Variants in KCNG1 observed in about 807,000 individuals in gnomAD.
KCNG1 encodes potassium voltage-gated channel modifier subfamily G member 1, also known as voltage-gated potassium channel regulatory subunit KCNG1.
In KCNG1, 17 loss-of-function variants were observed where a neutral mutation model predicts 32.4. The ratio of observed to expected loss-of-function variants is 0.52; its 90% CI spans 0.36 to 0.79. The LOEUF is 0.79. Among genes scored for constraint, KCNG1 ranks in the 30% least tolerant of loss-of-function variants. The pLI is 0.00. For synonymous variants in KCNG1, 358 were observed against 339.9 expected, an observed-to-expected ratio of 1.05 and a Z score of -0.59; for missense variants, 441 against 735.2, an observed-to-expected ratio of 0.60 and a Z score of 4.63.
At position 51,004,095 on chromosome 20, in the gene KCNG1, G is replaced by T. The variant is rs752857751; in HGVS notation, c.1486C>A (p.Gln496Lys). The T allele has an allele frequency of 6.2e-7, 1 of 1,614,210 alleles. No homozygotes were observed. The highest frequency in any genetic ancestry group is 1.1e-5 in the South Asian group (1 of 91,080). Residue 496 changes from glutamine (Q) to lysine (K), a missense_variant, in exon 3 of 3, where the codon CAG (glutamine) becomes AAG (lysine). By Grantham distance (53) the Gln-to-Lys change is moderately conservative (BLOSUM62 1). This residue lies in a region of KCNG1 where 53 missense variants were observed against 79.1 expected (regional missense o/e 0.67). Coordinates refer to ENST00000371571, the MANE Select transcript of KCNG1 (RefSeq NM_002237.4). This position sits in a 1 kb window ranked among gnomAD's most constrained non-coding sequence, Gnocchi z 4.3. ...CTTCCGAACAAGATGTCACTGTCCT[G>T]GGACACGCTCAGCTGCGACTTGGTT... ...IKTKSQLSVS[Q>K]DSDILFGSAS... is the part of the protein sequence containing the mutation.
rs1479728284 is a variant in KCNG1, at chr20:51,004,690, C to T, written c.891G>A (p.Leu297=). The change falls in exon 3 of 3, where the codon CTG becomes CTA. Residue 297 remains leucine (L), a synonymous_variant. Coordinates refer to ENST00000371571, the MANE Select transcript of KCNG1 (RefSeq NM_002237.4). The surrounding 1 kb of genome is among the most constrained non-coding windows in gnomAD (Gnocchi z 4.3). The stretch of plus-strand genomic sequence containing the variant: ...GGTCGATCAGCGTCAGCGGGCTCCG[C>T]AGGAAGGCGAACTTGCTGGGCGCCT... ...LIQAPSKFAF[L]RSPLTLIDLV... 1.9e-6 allele frequency: 3 copies of T among 1,600,372 alleles called. No homozygotes were observed. The highest frequency in any genetic ancestry group is 2.6e-6 in the Non-Finnish European group (3 of 1,173,676).
Position 51,004,732 on chromosome 20 carries a change from G to C in KCNG1, c.849C>G (p.Phe283Leu). Residue 283 changes from phenylalanine to leucine, a missense_variant, in exon 3 of 3, where the codon TTC becomes TTG. By Grantham distance (22) the Phe-to-Leu change is conservative. Around this residue, in one of 6 missense-constraint regions of KCNG1, gnomAD observed 169 missense variants for 297.7 expected, o/e 0.57. Coordinates refer to ENST00000371571, the MANE Select transcript of KCNG1 (RefSeq NM_002237.4). This position sits in a 1 kb window ranked among gnomAD's most constrained non-coding sequence, Gnocchi z 4.3. Reference sequence around the variant, plus strand: ...TGGGCGCCTGAATGAGCCGCAGGAGGAACTCCAGGGAGAACCAGCCCACGC... The same window carrying C: ...TGGGCGCCTGAATGAGCCGCAGGAGCAACTCCAGGGAGAACCAGCCCACGC... Reference protein sequence around the residue: ...SVCVGWFSLEFLLRLIQAPSK... With the variant: ...SVCVGWFSLELLLRLIQAPSK... The C allele has an allele frequency of 6.3e-7, 1 of 1,594,658 alleles. No homozygotes were observed. Among genetic ancestry groups the C allele is most frequent in the Non-Finnish European group, 8.5e-7 (1 of 1,170,448 alleles).
Position 51,015,325 on chromosome 20 carries a change from G to C in KCNG1, c.-26-4961C>G, listed in dbSNP as rs1988240327. ...CGACGGATAGGTGGCGCTATGGTGA[G>C]CTGAGTCAGAGGAAGCTGTTCCTGG... On this transcript the variant is annotated intron_variant, in intron 1 of 2. Coordinates refer to ENST00000371571, the MANE Select transcript of KCNG1 (RefSeq NM_002237.4). This position sits in a 1 kb window ranked among gnomAD's most constrained non-coding sequence, Gnocchi z 4.4. 6.6e-6 allele frequency among the ~76,000 whole-genome samples: 1 copy of C among 152,226 alleles called. No homozygotes were observed. The highest frequency in any genetic ancestry group is 1.5e-5 in the Non-Finnish European group (1 of 68,038).
intron 2 of KCNG1, chr20:51,006,339 A>G (rs1439171763): frequency 6.6e-6 from 1 of 152,222 alleles, no homozygotes; most frequent in Non-Finnish European, 1.5e-5. Flanking sequence ...CTTTATTAGT[A>G]TTTTCCTGAT....
chr20:51,010,486 G>T (rs1385168581), intron 1 of KCNG1, 122 bp from the exon 2 acceptor site: 1 of 700,044 alleles, frequency 1.4e-6, no homozygotes, highest in Non-Finnish European at 2.3e-6. Context: ...TCCATAGGTT[G>T]CAGGCCCTAG....
rs1388733392 is a variant in KCNG1 at position 51,012,687 on chromosome 20, GAGA to G, written c.-26-2326_-26-2324del. Reference sequence around the variant, plus strand: ...GTTCACAAATATTTTGCTTGGCTTGGAGAAGTTTTTGAAAGTTGAGAAATTTCA... The same window carrying G: ...GTTCACAAATATTTTGCTTGGCTTGGAGTTTTTGAAAGTTGAGAAATTTCA... On this transcript the variant is annotated intron_variant, in intron 1 of 2. Transcript: ENST00000371571. Among the ~76,000 whole-genome samples the G allele has an allele frequency of 3.3e-5, 5 of 152,186 alleles. No individual in the cohort carries two copies. In the South Asian group the frequency reaches 6.2e-4, roughly 19 times the overall value.
intron 1 of KCNG1, among the ~76,000 whole-genome samples, chr20:51,018,584 A>C (rs950123721): frequency 9.2e-5 from 14 of 152,158 alleles, no homozygotes; most frequent in African/African-American, 3.4e-4. Flanking sequence ...CTAACTGCAC[A>C]AAGTGTTATA....
intron 1 of KCNG1, among the ~76,000 whole-genome samples, chr20:51,014,716 G>GTCATT (rs1568803486): frequency 2.0e-5 from 3 of 152,214 alleles, no homozygotes; most frequent in African/African-American, 7.2e-5. Flanking sequence ...GAGCACACAA[G>GTCATT]TCATTTCAGG....
intron 1 of KCNG1, among the ~76,000 whole-genome samples, chr20:51,016,579 A>G (rs1489103284): frequency 6.6e-6 from 1 of 152,230 alleles, no homozygotes; most frequent in Non-Finnish European, 1.5e-5. Context: ...GTTCAAGGCC[A>G]GTTGCTCTGT....
chr20:51,010,418 C>G, intron 1 of KCNG1, 54 bp from the exon 2 acceptor site: 3 of 1,236,548 alleles, frequency 2.4e-6, no homozygotes, highest in Non-Finnish European at 3.3e-6. Context: ...CTTCACCTTG[C>G]TGAGAATGCA....
chr20:51,013,307 A>G (rs1988161156), intron 1 of KCNG1, among the ~76,000 whole-genome samples: 1 of 151,102 alleles, frequency 6.6e-6, no homozygotes, highest in Non-Finnish European at 1.5e-5. Flanking sequence ...TCTAAAACAA[A>G]ACAAAACAAA....
chr20:51,011,957 G>T (rs1988111065), intron 1 of KCNG1, among the ~76,000 whole-genome samples: 1 of 152,154 alleles, frequency 6.6e-6, no homozygotes, highest in South Asian at 2.1e-4. Context: ...ACCACACCTG[G>T]TTAATTTTTG....
At chr20:51,012,905 A>G (rs967697948) in intron 1 of KCNG1, among the ~76,000 whole-genome samples, 2 of 152,104 alleles carry the variant, frequency 1.3e-5, no homozygotes. Flanking sequence ...TCCCGGCCCT[A>G]TAGGCATTTG....
rs1448155653 is a variant in KCNG1, at chr20:51,004,585, G to C, written c.996C>G (p.Asn332Lys). 1 of 1,578,870 alleles carries C rather than the reference G, an allele frequency of 6.3e-7. No homozygotes were observed. Among genetic ancestry groups the C allele is most frequent in the African/African-American group, 1.3e-5 (1 of 74,226 alleles). The change falls in exon 3 of 3, where the codon AAC (asparagine) becomes AAG (lysine). Residue 332 changes from asparagine to lysine, a missense_variant. This residue lies in a region of KCNG1 where 169 missense variants were observed against 297.7 expected (regional missense o/e 0.57). Coordinates refer to ENST00000371571, the MANE Select transcript of KCNG1 (RefSeq NM_002237.4). This position sits in a 1 kb window ranked among gnomAD's most constrained non-coding sequence, Gnocchi z 4.3. Reference sequence around the variant, plus strand: ...CCAGCCCCACCTTGTCCAGGTAGCTGTTGCCCGCGCCGGGCTTGCGACGGC... The same window carrying C: ...CCAGCCCCACCTTGTCCAGGTAGCTCTTGCCCGCGCCGGGCTTGCGACGGC... ...AAGRRKPGAG[N>K]SYLDKVGLVL...
chr20:51,014,334 A>G (rs938227994), intron 1 of KCNG1, among the ~76,000 whole-genome samples: 1 of 152,236 alleles, frequency 6.6e-6, no homozygotes, highest in Non-Finnish European at 1.5e-5. Flanking sequence ...AAGAGGCCCC[A>G]AAGCCTGGCC....
At position 51,010,044 on chromosome 20, in the gene KCNG1, C is replaced by T; in HGVS notation, c.295G>A (p.Asp99Asn). 6.2e-7 allele frequency: 1 copy of T among 1,614,106 alleles called. No homozygotes were observed. The highest frequency in any genetic ancestry group is 8.5e-7 in the Non-Finnish European group (1 of 1,179,996). The change falls in exon 2 of 3, where the codon GAC becomes AAC. Residue 99 changes from aspartate to asparagine, a missense_variant. Transcript: ENST00000371571. Reference protein sequence around the residue: ...LGQLKACTNFDDILNVCDDYD... With the variant: ...LGQLKACTNFNDILNVCDDYD... ...TCATCGCACACGTTGAGGATGTCGTCGAAGTTGGTGCAGGCCTTGAGCTGG... is the reference window on the plus strand; with the variant it reads ...TCATCGCACACGTTGAGGATGTCGTTGAAGTTGGTGCAGGCCTTGAGCTGG...
In KCNG1 at chr20:51,005,105, A is replaced by C; in HGVS notation, c.775-299T>G. On this transcript the variant is annotated intron_variant, in intron 2 of 2. Coordinates refer to ENST00000371571, the MANE Select transcript of KCNG1 (RefSeq NM_002237.4). This position sits in a 1 kb window ranked among gnomAD's most constrained non-coding sequence, Gnocchi z 4.0. ...GGTGTCTGAGGGGCATCTCGAACTCACCATGGGATCCTGGTTTCCTCTGCC... is the reference window on the plus strand; with the variant it reads ...GGTGTCTGAGGGGCATCTCGAACTCCCCATGGGATCCTGGTTTCCTCTGCC... 2.3e-5 allele frequency: 7 copies of C among 308,040 alleles called. No individual in the cohort carries two copies. Among genetic ancestry groups the C allele is most frequent in the East Asian group, 5.9e-5 (1 of 17,088 alleles). 19.1% of individuals were successfully genotyped at this position (308,040 alleles called of 1,614,324 possible).
In KCNG1 at chr20:51,015,037, G is replaced by C. The variant is rs1401039875; in HGVS notation, c.-26-4673C>G. 6.6e-6 allele frequency among the ~76,000 whole-genome samples: 1 copy of C among 152,166 alleles called. No homozygotes were observed. The highest frequency in any genetic ancestry group is 1.5e-5 in the Non-Finnish European group (1 of 68,036). ...GCAGGGCCGAGGGGCTGACAATAAG[G>C]AGCTGGGGCTTATTCTGCAAGGGAC... is the stretch of plus-strand genomic sequence containing the variant. On this transcript the variant is annotated intron_variant, in intron 1 of 2. Transcript: ENST00000371571. The surrounding 1 kb of genome is among the most constrained non-coding windows in gnomAD (Gnocchi z 4.4).
rs147341941 is a variant in KCNG1, at chr20:51,020,910, G to A, written c.-27+1960C>T. Among the ~76,000 whole-genome samples the A allele has an allele frequency of 4.3e-3, 655 of 152,280 alleles. 6 individuals carry two copies. The highest frequency in any genetic ancestry group is 0.015 in the African/African-American group (623 of 41,540). ...GGGTCTGGTGCAGAGAATTCAAAGT[G>A]GTGCTCAGATCTGCCCCAATCAGGC... On this transcript the variant is annotated intron_variant, in intron 1 of 2. Transcript: ENST00000371571.
Sources: gnomAD v4.1 joint callset for allele counts (sites outside exome capture counted in the v4.1 genomes callset) on GRCh38, gnomAD v4.1.1 for gene constraint, gnomAD v4.1.1 regional missense constraint, Gnocchi (gnomAD v3.1) non-coding constraint, MANE v1.5 for transcripts, NCBI Gene and HGNC (gene_info 2026-07-23, HGNC 2026-07-21) for gene names.